Variants in DPP10 observed in about 807,000 individuals in gnomAD.
DPP10 encodes inactive dipeptidyl peptidase 10.
A neutral mutation model predicts 120.9 loss-of-function variants in DPP10; 33 were observed. The observed-to-expected ratio is 0.27, with a 90% confidence interval of 0.21 to 0.37. DPP10 has a LOEUF of 0.37. Ranked by LOEUF, DPP10 falls within the 10% of genes least tolerant of loss-of-function variation. The pLI is 1.00. For synonymous variants in DPP10, 337 were observed against 326.1 expected (o/e 1.03, Z -0.36); for missense variants, 816 against 942.8 (o/e 0.87, Z 1.76).
chr2:114,835,896 A>G (rs76881887), intron 1 of DPP10, among the ~76,000 whole-genome samples: 13,241 of 138,204 alleles, frequency 0.096, 692 homozygotes, highest in South Asian at 0.12. Flanking sequence ...AAATTATTTC[A>G]CTATGAAATC....
intron 1 of DPP10, among the ~76,000 whole-genome samples, chr2:115,071,321 C>A (rs1261643684): frequency 6.6e-6 from 1 of 152,078 alleles, no homozygotes; most frequent in African/African-American, 2.4e-5. Context: ...TTAACTCATA[C>A]AAAGCAGTGC....
At chr2:115,237,967 G>C (rs886425356) in intron 1 of DPP10, among the ~76,000 whole-genome samples, 1 of 152,150 alleles carries the variant, frequency 6.6e-6, no homozygotes, top group Non-Finnish European at 1.5e-5. Context: ...CAGCAAACCG[G>C]TTATCCAGAA....
chr2:114,863,480 G>T (rs1689985835), intron 1 of DPP10, among the ~76,000 whole-genome samples: 1 of 152,122 alleles, frequency 6.6e-6, no homozygotes, highest in Admixed American at 6.6e-5. Context: ...TTACAGGGAG[G>T]TTTTGGTGGG....
intron 1 of DPP10, among the ~76,000 whole-genome samples, chr2:115,213,077 A>G (rs2056619109): frequency 6.6e-6 from 1 of 152,186 alleles, no homozygotes; most frequent in South Asian, 2.1e-4. Context: ...TAAGGGCTAT[A>G]ACATGTACAT....
At chr2:115,002,610 A>G (rs868773397) in intron 1 of DPP10, among the ~76,000 whole-genome samples, 3 of 152,190 alleles carry the variant, frequency 2.0e-5, no homozygotes, top group Admixed American at 6.5e-5. Flanking sequence ...TTTACAAACT[A>G]TGCATCCAAC....
At chr2:115,813,626 T>C (rs1686904141) in intron 19 of DPP10, among the ~76,000 whole-genome samples, 1 of 152,224 alleles carries the variant, frequency 6.6e-6, no homozygotes, top group South Asian at 2.1e-4. Flanking sequence ...TTTTAGTTGC[T>C]CTGTGTTTTG....
intron 1 of DPP10, among the ~76,000 whole-genome samples, chr2:115,067,675 A>C (rs1707006893): frequency 6.8e-6 from 1 of 147,454 alleles, no homozygotes; most frequent in Non-Finnish European, 1.5e-5. Flanking sequence ...CATCCTGGCT[A>C]ACACGGTGAA....
chr2:115,102,660 C>T (rs1039338050), intron 1 of DPP10, among the ~76,000 whole-genome samples: 11 of 152,010 alleles, frequency 7.2e-5, no homozygotes, highest in African/African-American at 1.4e-4. Flanking sequence ...CCACCCGCCT[C>T]GGCCTCCCAA....
At chr2:115,801,934 G>T (rs563418822) in intron 19 of DPP10, among the ~76,000 whole-genome samples, 2 of 152,204 alleles carry the variant, frequency 1.3e-5, no homozygotes, top group Non-Finnish European at 2.9e-5. Context: ...GTATCAGGAT[G>T]ATGCTGGCCT....
At chr2:115,610,456 G>T (rs116595477) in intron 5 of DPP10, among the ~76,000 whole-genome samples, 9,707 of 77,474 alleles carry the variant, frequency 0.13, 422 homozygotes, top group South Asian at 0.24. Context: ...GATGATATGG[G>T]CCAGCTTGAA....
chr2:114,507,589 A>T (rs1460488623), intron 1 of DPP10, among the ~76,000 whole-genome samples: 2 of 152,166 alleles, frequency 1.3e-5, no homozygotes, highest in Non-Finnish European at 2.9e-5. Flanking sequence ...TTTTAAAAAA[A>T]ACCATATGAT....
intron 1 of DPP10, among the ~76,000 whole-genome samples, chr2:114,569,033 C>CT (rs1379342334): frequency 2.0e-5 from 3 of 152,164 alleles, no homozygotes; most frequent in Non-Finnish European, 4.4e-5. Flanking sequence ...GACTAAATTG[C>CT]TTTTTTATAT....
intron 24 of DPP10, among the ~76,000 whole-genome samples, chr2:115,840,341 T>TTTTTA (rs1575966118): frequency 1.4e-5 from 2 of 142,424 alleles, no homozygotes; most frequent in African/African-American, 5.2e-5. Flanking sequence ...TTTTTTTTTT[T>TTTTTA]GAGACGGAGT....
intron 1 of DPP10, among the ~76,000 whole-genome samples, chr2:114,704,452 G>A (rs912701297): frequency 4.6e-5 from 7 of 152,034 alleles, no homozygotes; most frequent in Non-Finnish European, 2.9e-5. Flanking sequence ...ACAGCCAGTA[G>A]GAATGTTATG....
chr2:115,682,550 G>A (rs2090732646), intron 5 of DPP10, among the ~76,000 whole-genome samples: 1 of 151,624 alleles, frequency 6.6e-6, no homozygotes, highest in African/African-American at 2.4e-5. Context: ...TATATAACAG[G>A]GAATATATCA....
chr2:115,406,420 C>T (rs1183513589), intron 3 of DPP10, among the ~76,000 whole-genome samples: 1 of 152,084 alleles, frequency 6.6e-6, no homozygotes, highest in Non-Finnish European at 1.5e-5. Context: ...TAATGCTCCA[C>T]ATACAGAAAT....
intron 1 of DPP10, among the ~76,000 whole-genome samples, chr2:114,630,612 T>C (rs1024797979): frequency 2.6e-5 from 4 of 152,152 alleles, no homozygotes; most frequent in South Asian, 2.1e-4. Flanking sequence ...CACATCCAGA[T>C]TCCAAAGAGA....
chr2:115,261,438 C>T (rs181597569), intron 1 of DPP10, among the ~76,000 whole-genome samples: 2 of 152,162 alleles, frequency 1.3e-5, no homozygotes, highest in Non-Finnish European at 2.9e-5. Flanking sequence ...AAAAATTGGC[C>T]TTGGCATCGT....
intron 1 of DPP10, among the ~76,000 whole-genome samples, chr2:115,023,239 C>T (rs901574789): frequency 2.2e-4 from 34 of 152,090 alleles, no homozygotes; most frequent in African/African-American, 8.0e-4. Context: ...AAAATCTTCA[C>T]AATCTATATA....
Sources: allele counts gnomAD v4.1 joint callset (sites outside exome capture counted in the v4.1 genomes callset), GRCh38; gene constraint gnomAD v4.1.1; transcripts MANE v1.5; gene names NCBI Gene and HGNC (gene_info 2026-07-23, HGNC 2026-07-21).